The following BPTF variants were observed in gnomAD, a reference collection of about 807,000 sequenced individuals.
The protein encoded by BPTF is bromodomain PHD finger transcription factor, also known as nucleosome-remodeling factor subunit BPTF.
BPTF carries 18 observed loss-of-function variants against 292.5 expected under a neutral mutation model. The observed-to-expected ratio is 0.06, with a 90% CI of 0.04 to 0.09. BPTF has a LOEUF of 0.09. Ranked by LOEUF, BPTF falls within the 10% of genes least tolerant of loss-of-function variation. The pLI, the probability that BPTF is intolerant of heterozygous loss-of-function variation, is 1.00. For synonymous variants in BPTF, 1,225 were observed against 1,251.9 expected (o/e 0.98, Z 0.45); for missense variants, 2,726 against 3,498.7 (o/e 0.78, Z 5.57).
chr17:67,909,738 A>T lies in BPTF; in HGVS notation c.2969A>T (p.Lys990Met). The change falls in exon 10 of 28, where the codon AAG (lysine) becomes ATG (methionine). Residue 990 changes from lysine (K) to methionine (M), a missense_variant. By Grantham distance (95) the Lys-to-Met change is moderately conservative. Coordinates refer to ENST00000306378, the MANE Select transcript of BPTF (RefSeq NM_182641.4). The part of the protein sequence containing the change: ...GADQNEMDIS[K>M]ITEKKDQDVK... ...GACCAAAATGAAATGGATATCTCAAAGATTACTGAGAAGAAGGACCAAGGT... is the reference window on the plus strand; with the variant it reads ...GACCAAAATGAAATGGATATCTCAATGATTACTGAGAAGAAGGACCAAGGT... The T allele has an allele frequency of 6.3e-7, 1 of 1,575,846 alleles. No individual in the cohort carries two copies. The highest frequency in any genetic ancestry group is 8.6e-7 in the Non-Finnish European group (1 of 1,166,194).
chr17:67,870,598 TATCTA>T (rs2059660704), intron 3 of BPTF, among the ~76,000 whole-genome samples: 1 of 152,114 alleles, frequency 6.6e-6, no homozygotes, highest in East Asian at 1.9e-4. Context: ...CCCAAAATAA[TATCTA>T]ATCATGTTCT....
chr17:67,831,469 C>T (rs2056672188), intron 1 of BPTF, among the ~76,000 whole-genome samples: 1 of 152,132 alleles, frequency 6.6e-6, no homozygotes, highest in Admixed American at 6.5e-5. Context: ...AATAAATAGT[C>T]TTGCACACAG....
At chr17:67,944,107 T>C in intron 19 of BPTF, 43 bp from the exon 20 acceptor site, 1 of 1,413,666 alleles carries the variant, frequency 7.1e-7, no homozygotes, top group Non-Finnish European at 1.0e-6. Context: ...TACATACAGA[T>C]TGATGCTTTG....
At chr17:67,972,843 A>G (rs2068915000) in intron 26 of BPTF, among the ~76,000 whole-genome samples, 1 of 151,850 alleles carries the variant, frequency 6.6e-6, no homozygotes, top group African/African-American at 2.4e-5. Context: ...GTATGAACCA[A>G]GAATGTCCTA....
chr17:67,853,036 T>G (rs941590247), intron 1 of BPTF, among the ~76,000 whole-genome samples: 1 of 152,198 alleles, frequency 6.6e-6, no homozygotes, highest in Non-Finnish European at 1.5e-5. Flanking sequence ...CTCAGGAGGC[T>G]GAGGCAGGAG....
chr17:67,856,732 A>T (rs184520798), intron 2 of BPTF, among the ~76,000 whole-genome samples: 1 of 152,282 alleles, frequency 6.6e-6, no homozygotes, highest in East Asian at 1.9e-4. Context: ...TGCTGGTGGT[A>T]TTCTGGTGGC....
At position 67,826,527 on chromosome 17, in the gene BPTF, C is replaced by A. The variant is rs567574666; in HGVS notation, c.613+190C>A. 1.9e-4 allele frequency among the ~76,000 whole-genome samples: 28 copies of A among 150,924 alleles called. 1 individual carries two copies. Among genetic ancestry groups the A allele is most frequent in the Middle Eastern group, 3.4e-3 (1 of 292 alleles). Reference sequence around the variant, plus strand: ...TACAAGAGGAAAGAGGCGCATTGTTCAAAATGGAGATTGCATTGTTGCAGT... The same window carrying A: ...TACAAGAGGAAAGAGGCGCATTGTTAAAAATGGAGATTGCATTGTTGCAGT... On this transcript the variant is annotated intron_variant, in intron 1 of 27. Transcript: ENST00000306378.
chr17:67,829,440 C>T (rs1040802765), intron 1 of BPTF, among the ~76,000 whole-genome samples: 2 of 151,808 alleles, frequency 1.3e-5, no homozygotes, highest in African/African-American at 2.4e-5. Context: ...CTGCACTTAC[C>T]GACCGGCCCT....
chr17:67,877,295 CTA>C (rs2060109110), intron 4 of BPTF, among the ~76,000 whole-genome samples: 1 of 152,160 alleles, frequency 6.6e-6, no homozygotes, highest in Admixed American at 6.5e-5. Context: ...CTGTGGCTCT[CTA>C]TGCAGTTATT....
intron 3 of BPTF, among the ~76,000 whole-genome samples, chr17:67,869,969 C>CG (rs2059621774): frequency 7.0e-6 from 1 of 142,198 alleles, no homozygotes; most frequent in Admixed American, 7.5e-5. Flanking sequence ...CACTGCACTC[C>CG]AGCCTGGGCG....
At chr17:67,914,907 A>C (rs1453016253) in intron 11 of BPTF, among the ~76,000 whole-genome samples, 1 of 152,202 alleles carries the variant, frequency 6.6e-6, no homozygotes, top group Non-Finnish European at 1.5e-5. Context: ...AATGTATGCT[A>C]ACGTCTTAAT....
chr17:67,827,365 C>G (rs2056179699), intron 1 of BPTF, among the ~76,000 whole-genome samples: 1 of 152,184 alleles, frequency 6.6e-6, no homozygotes, highest in African/African-American at 2.4e-5. Context: ...TGTTTTCTCA[C>G]AGAAAGTTTC....
rs1224207193 is a variant in BPTF at position 67,982,994 on chromosome 17, C to T, written c.*706C>T. 2 of 152,216 alleles carry T rather than the reference C, an allele frequency of 1.3e-5. No individual in the cohort carries two copies. The highest frequency in any genetic ancestry group is 2.4e-5 in the African/African-American group (1 of 41,444). The allele number at this position is 152,216 out of a possible 1,614,324, so 9.4% of individuals were successfully genotyped here. A position where few individuals can be genotyped will look rare whatever the true frequency, so the allele number is the denominator to read the frequency against. ...CTCTGTTGCCTTGAATATAACAGTACAATTTGTCAATTACTCTGCACCAGG... is the reference window on the plus strand; with the variant it reads ...CTCTGTTGCCTTGAATATAACAGTATAATTTGTCAATTACTCTGCACCAGG... On this transcript the variant is annotated 3_prime_UTR_variant, in exon 28 of 28. Transcript: ENST00000306378.
chr17:67,838,333 C>T (rs1471546191), intron 1 of BPTF, among the ~76,000 whole-genome samples: 1 of 152,204 alleles, frequency 6.6e-6, no homozygotes, highest in African/African-American at 2.4e-5. Flanking sequence ...ACAAATAATG[C>T]TTCTGAAAAT....
intron 1 of BPTF, among the ~76,000 whole-genome samples, chr17:67,829,808 T>G (rs1036511903): frequency 6.6e-6 from 1 of 152,212 alleles, no homozygotes; most frequent in Non-Finnish European, 1.5e-5. Context: ...GTTTAAGTAC[T>G]GACGTGACAT....
intron 7 of BPTF, among the ~76,000 whole-genome samples, chr17:67,897,341 CAAAAAAAAAAA>C (rs750678904): frequency 0.13 from 2,261 of 17,758 alleles, 77 homozygotes; most frequent in African/African-American, 0.21. Context: ...AACTCTGTCT[CAAAAAAAAAAA>C]AAAAAAAAAA....
At chr17:67,862,102 A>G (rs2059118976) in intron 2 of BPTF, among the ~76,000 whole-genome samples, 1 of 152,012 alleles carries the variant, frequency 6.6e-6, no homozygotes, top group African/African-American at 2.4e-5. Context: ...CAGCCTCCCA[A>G]GTAGCTGGGA....
chr17:67,896,585 G>C (rs1433862567), intron 7 of BPTF, among the ~76,000 whole-genome samples: 2 of 152,176 alleles, frequency 1.3e-5, no homozygotes, highest in Non-Finnish European at 2.9e-5. Context: ...CATTTATGGA[G>C]ATTTTAAAAG....
intron 2 of BPTF, 89 bp from the exon 3 acceptor site, chr17:67,866,375 T>A: frequency 9.6e-7 from 1 of 1,039,558 alleles, no homozygotes; most frequent in South Asian, 1.4e-5. Flanking sequence ...GTGCATAAGC[T>A]TTGTTTTAAG....
Sources: gnomAD v4.1 joint callset for allele counts (sites outside exome capture counted in the v4.1 genomes callset) on GRCh38, gnomAD v4.1.1 for gene constraint, MANE v1.5 for transcripts, NCBI Gene and HGNC (gene_info 2026-07-23, HGNC 2026-07-21) for gene names.